CLSTN3: variants seen among roughly 807,000 people sequenced by gnomAD.
CLSTN3 encodes the protein calsyntenin-3.
CLSTN3 carries 36 observed loss-of-function variants against 95.9 expected under a neutral mutation model. That is an observed-to-expected ratio of 0.38 (90% CI 0.29 to 0.50). The LOEUF (loss-of-function observed/expected upper bound fraction) is 0.50. CLSTN3 is among the 20% of genes least tolerant of loss of function. CLSTN3 has a pLI of 0.95. For missense variants in CLSTN3, 1,084 were observed against 1,268.8 expected, an observed-to-expected ratio of 0.85 and a Z score of 2.21; for synonymous variants, 481 against 504.0, an observed-to-expected ratio of 0.95 and a Z score of 0.61.
At chr12:7,140,115 A>G (rs75847819) in intron 8 of CLSTN3, among the ~76,000 whole-genome samples, 12,589 of 152,190 alleles carry the variant, frequency 0.083, 578 homozygotes, top group South Asian at 0.22. Context: ...TGCAGCTTGT[A>G]GCTCTGTTTG....
Position 7,133,878 on chromosome 12 carries a change from C to G in CLSTN3, c.383+110C>G. ...ATCGAATATCCACCCCCACCCGCTG[C>G]TGTTCCTAGGACTTAGGGAGCCCCA... On this transcript the variant is annotated intron_variant, in intron 3 of 17. Coordinates refer to ENST00000266546, the MANE Select transcript of CLSTN3 (RefSeq NM_014718.4). This position sits in a 1 kb window ranked among gnomAD's most constrained non-coding sequence, Gnocchi z 4.7. The G allele has an allele frequency of 1.1e-6, 1 of 906,194 alleles. No individual in the cohort carries two copies. The highest frequency in any genetic ancestry group is 2.7e-5 in the East Asian group (1 of 37,314). 56.1% of individuals were successfully genotyped at this position (906,194 alleles called of 1,614,324 possible). A position where few individuals can be genotyped will look rare whatever the true frequency, so the allele number is the denominator to read the frequency against.
At position 7,142,972 on chromosome 12, in the gene CLSTN3, A is replaced by G. The variant is rs778771869; in HGVS notation, c.1644A>G (p.Ala548=). The change falls in exon 11 of 18, where the codon GCA becomes GCG. Residue 548 remains alanine (A), a synonymous_variant. Transcript: ENST00000266546. ...ESREVIECLY[A]CREGLDYRDF... ...GCGAGGTCATCGAGTGCCTCTATGCATGTCGGGAGGGGCTGGACTATAGGG... is the reference window on the plus strand; with the variant it reads ...GCGAGGTCATCGAGTGCCTCTATGCGTGTCGGGAGGGGCTGGACTATAGGG... The G allele has an allele frequency of 1.8e-5, 29 of 1,613,998 alleles. No individual in the cohort carries two copies. Among genetic ancestry groups the G allele is most frequent in the Admixed American group, 1.3e-4 (8 of 60,004 alleles).
chr12:7,137,051 T>C lies in CLSTN3; in HGVS notation c.1151T>C (p.Val384Ala). The part of the protein sequence containing the change: ...FTLSFWMKHG[V>A]TPNKGKKEEE... ...CTGTCCTTCTGGATGAAGCATGGCG[T>C]AACTCCCAACAAGGGCAAGAAGGAA... Residue 384 changes from valine to alanine, a missense_variant, in exon 7 of 18, where the codon GTA (valine) becomes GCA (alanine). Coordinates refer to ENST00000266546, the MANE Select transcript of CLSTN3 (RefSeq NM_014718.4). This position sits in a 1 kb window ranked among gnomAD's most constrained non-coding sequence, Gnocchi z 4.4. 1.2e-6 allele frequency: 2 copies of C among 1,614,142 alleles called. No homozygotes were observed. Among genetic ancestry groups the C allele is most frequent in the Non-Finnish European group, 1.7e-6 (2 of 1,180,014 alleles).
intron 12 of CLSTN3, among the ~76,000 whole-genome samples, chr12:7,144,175 G>T (rs1405475174): frequency 2.7e-5 from 4 of 146,708 alleles, no homozygotes; most frequent in Non-Finnish European, 5.9e-5. Context: ...GGAGGTTTCA[G>T]TGAGCCGAGA....
At chr12:7,136,104 A>G (rs1939409661) in intron 5 of CLSTN3, 102 bp from the exon 6 acceptor site, 1 of 1,508,216 alleles carries the variant, frequency 6.6e-7, no homozygotes, top group Admixed American at 1.9e-5. Context: ...CCATCCTGCC[A>G]GGAGCCCCAA....
intron 16 of CLSTN3, 131 bp downstream of exon 16, chr12:7,151,194 C>A: frequency 9.1e-7 from 1 of 1,096,236 alleles, no homozygotes; most frequent in Non-Finnish European, 1.2e-6. Flanking sequence ...CCCTGTGGTA[C>A]CTGCCTTAGT....
At chr12:7,129,619 G>T, upstream of CLSTN3, 1 of 985,520 alleles carries the variant, frequency 1.0e-6, no homozygotes, top group East Asian at 1.1e-4. This position sits in a 1 kb window ranked among gnomAD's most constrained non-coding sequence, Gnocchi z 5.5. Flanking sequence ...CCCTAGGACA[G>T]CCCATGCTTT....
Position 7,157,994 on chromosome 12 carries a change from G to A in CLSTN3, c.2784G>A (p.Glu928=). ...CGGGGGCTGTTGGGGGCCAGCAGGA[G>A]GATGAGGACAGCAGTGACTCGGAGG... ...CVTGAVGGQQ[E]DEDSSDSEVA... is the part of the protein sequence containing the mutation. Residue 928 remains glutamate, a synonymous_variant, in exon 18 of 18, where the codon GAG becomes GAA. Transcript: ENST00000266546. The surrounding 1 kb of genome is among the most constrained non-coding windows in gnomAD (Gnocchi z 5.9). 1.3e-6 allele frequency: 2 copies of A among 1,551,464 alleles called. No homozygotes were observed. Among genetic ancestry groups the A allele is most frequent in the Non-Finnish European group, 1.7e-6 (2 of 1,146,986 alleles).
Position 7,130,394 on chromosome 12 carries a change from T to G in CLSTN3, c.-255T>G, listed in dbSNP as rs1591611613. 1.5e-6 allele frequency: 2 copies of G among 1,346,546 alleles called. No homozygotes were observed. The highest frequency in any genetic ancestry group is 6.3e-5 in the East Asian group (2 of 31,654). The allele number at this position is 1,346,546 out of a possible 1,614,324, so 83.4% of individuals were successfully genotyped here. On this transcript the variant is annotated 5_prime_UTR_variant, in exon 1 of 18. Coordinates refer to ENST00000266546, the MANE Select transcript of CLSTN3 (RefSeq NM_014718.4). ...TCATCCTGCAGTAGCGGGGTTGGGG[T>G]GGGAGTGAGAGAGTGAGGACGCTGG... is the stretch of plus-strand genomic sequence containing the variant.
At chr12:7,130,055 T>G (rs1591611246), upstream of CLSTN3, 2 of 199,286 alleles carry the variant, frequency 1.0e-5, no homozygotes, top group Non-Finnish European at 1.0e-5. Context: ...GGGGGCGGGG[T>G]GACGCGGTGC....
chr12:7,149,332 TA>T lies in CLSTN3; in HGVS notation c.2074+136del. The T allele has an allele frequency of 1.1e-6, 1 of 948,218 alleles. No individual in the cohort carries two copies. The highest frequency in any genetic ancestry group is 1.6e-6 in the Non-Finnish European group (1 of 627,582). The allele number at this position is 948,218 out of a possible 1,614,324, so 58.7% of individuals were successfully genotyped here. A position where few individuals can be genotyped will look rare whatever the true frequency, so the allele number is the denominator to read the frequency against. ...TTTGTTTGACTGAACAACTTACCTTTAAGAAGGAGAGCAAGTGGAAAACACG... is the reference window on the plus strand; with the variant it reads ...TTTGTTTGACTGAACAACTTACCTTTAGAAGGAGAGCAAGTGGAAAACACG... On this transcript the variant is annotated intron_variant, in intron 13 of 17. Transcript: ENST00000266546. This position sits in a 1 kb window ranked among gnomAD's most constrained non-coding sequence, Gnocchi z 4.5.
intron 12 of CLSTN3, among the ~76,000 whole-genome samples, 153 bp downstream of exon 12, chr12:7,143,464 G>T (rs1939568436): frequency 6.6e-6 from 1 of 152,186 alleles, no homozygotes; most frequent in African/African-American, 2.4e-5. Context: ...ACCACTGAAG[G>T]TCACATAGCA....
rs1179956484 is a variant in CLSTN3 at position 7,158,120 on chromosome 12, C to G, written c.*39C>G. On this transcript the variant is annotated 3_prime_UTR_variant, in exon 18 of 18. Transcript: ENST00000266546. ...CCCCACGCAGAGGGGGAATTCTGCC[C>G]TGGTGAAACAGACACTCCAGACATG... is the stretch of plus-strand genomic sequence containing the variant. 6.8e-7 allele frequency: 1 copy of G among 1,471,032 alleles called. No homozygotes were observed. Among genetic ancestry groups the G allele is most frequent in the African/African-American group, 1.4e-5 (1 of 70,788 alleles). 91.1% of individuals were successfully genotyped at this position (1,471,032 alleles called of 1,614,324 possible).
intron 12 of CLSTN3, among the ~76,000 whole-genome samples, chr12:7,148,154 CAAAA>C (rs1939653239): frequency 1.0e-5 from 1 of 99,120 alleles, no homozygotes; most frequent in Non-Finnish European, 2.2e-5. Context: ...GAAACTCCAT[CAAAA>C]AGAAAGAAAG....
rs904122761 is a variant in CLSTN3, at chr12:7,133,209, G to A, written c.187+63G>A. 2.7e-6 allele frequency: 4 copies of A among 1,492,958 alleles called. No individual in the cohort carries two copies. 92.5% of individuals were successfully genotyped at this position (1,492,958 alleles called of 1,614,324 possible). On this transcript the variant is annotated intron_variant, in intron 2 of 17. Transcript: ENST00000266546. The surrounding 1 kb of genome is among the most constrained non-coding windows in gnomAD (Gnocchi z 4.7). Reference sequence around the variant, plus strand: ...AGAGAAAAGTGGGTGGGAGGGCCAAGAGCAAGGGAGGGAGGGAAGGTCCTG... The same window carrying A: ...AGAGAAAAGTGGGTGGGAGGGCCAAAAGCAAGGGAGGGAGGGAAGGTCCTG...
upstream of CLSTN3, chr12:7,130,360 G>A: frequency 1.4e-6 from 2 of 1,381,140 alleles, no homozygotes; most frequent in South Asian, 3.0e-5. Context: ...TTGCCCGGCT[G>A]TGCTGACGTC....
Position 7,150,627 on chromosome 12 carries a change from A to C in CLSTN3, c.2329A>C (p.Lys777Gln). Residue 777 changes from lysine (K) to glutamine (Q), a missense_variant, in exon 15 of 18, where the codon AAG becomes CAG. Physicochemically the swap from Lys to Gln is moderately conservative, Grantham distance 53 (BLOSUM62 1). Transcript: ENST00000266546. The surrounding 1 kb of genome is among the most constrained non-coding windows in gnomAD (Gnocchi z 4.0). ...ACACGGAGCTGCCCTCTACACCAGG[A>C]AGTTCCGGCTTTCCTGCTCGGAAAT... ...LRHGAALYTRKFRLSCSEMNG... is the reference protein window; with the variant it reads ...LRHGAALYTRQFRLSCSEMNG... The C allele has an allele frequency of 6.2e-7, 1 of 1,614,148 alleles. No homozygotes were observed. The highest frequency in any genetic ancestry group is 8.5e-7 in the Non-Finnish European group (1 of 1,180,016).
intron 10 of CLSTN3, 48 bp downstream of exon 10, chr12:7,142,187 T>A (rs1296074126): frequency 1.3e-6 from 2 of 1,506,276 alleles, no homozygotes; most frequent in Non-Finnish European, 1.8e-6. Context: ...CATCTTCACT[T>A]TCTGTTCTGA....
rs1725726638 is a variant in CLSTN3, at chr12:7,149,715, G to A, written c.2245+22G>A. 2 of 1,604,120 alleles carry A rather than the reference G, an allele frequency of 1.2e-6. No individual in the cohort carries two copies. The highest frequency in any genetic ancestry group is 1.1e-5 in the South Asian group (1 of 89,756). ...GCTGGTCAGTGGGGCCTGAGGGCCT[G>A]TCCTCTGTGTGTGTGTGCCCCTCCC... On this transcript the variant is annotated intron_variant, in intron 14 of 17. Coordinates refer to ENST00000266546, the MANE Select transcript of CLSTN3 (RefSeq NM_014718.4). This position sits in a 1 kb window ranked among gnomAD's most constrained non-coding sequence, Gnocchi z 4.5.
Sources: allele counts gnomAD v4.1 joint callset (sites outside exome capture counted in the v4.1 genomes callset), GRCh38; gene constraint gnomAD v4.1.1; non-coding constraint Gnocchi (gnomAD v3.1); transcripts MANE v1.5; gene names NCBI Gene and HGNC (gene_info 2026-07-23, HGNC 2026-07-21).